Variants in NBPF14 observed in about 807,000 individuals in gnomAD.
NBPF14 encodes NBPF member 14.
In NBPF14, 104 loss-of-function variants were observed where a neutral mutation model predicts 91.2. That is an observed-to-expected ratio of 1.14 (90% CI 0.97 to 1.34). NBPF14 has a LOEUF of 1.34. Among genes scored for constraint, NBPF14 ranks in the 40% most tolerant of loss-of-function variants. The probability of loss-of-function intolerance (pLI) is 0.00; values close to 1 mark genes in which losing one functional copy is unlikely to be tolerated. For synonymous variants in NBPF14, 294 were observed against 303.8 expected (o/e 0.97, Z 0.34); for missense variants, 908 against 783.0 (o/e 1.16, Z -1.91).
At chr1:148,535,062 G>C (rs1284531036) in intron 68 of NBPF14, among the ~76,000 whole-genome samples, 2 of 146,640 alleles carry the variant, frequency 1.4e-5, no homozygotes, top group Admixed American at 6.8e-5. Context: ...GAGGGAGAGA[G>C]AGAGAGAGGA....
chr1:148,535,118 G>A (rs1263095401), intron 68 of NBPF14, among the ~76,000 whole-genome samples: 28 of 146,570 alleles, frequency 1.9e-4, no homozygotes, highest in African/African-American at 5.5e-4. Flanking sequence ...TGATGAAGGG[G>A]TCAAAGGACA....
In NBPF14 at chr1:148,535,508, C is replaced by A. The variant is rs1654966857; in HGVS notation, c.8390-4G>T. On this transcript the variant is annotated splice_polypyrimidine_tract_variant and splice_region_variant and intron_variant, in intron 67 of 70. Coordinates refer to ENST00000619423, the Ensembl canonical transcript of NBPF14. Reference sequence around the variant, plus strand: ...ACTTCTTGGTACTTTTCAATTTCTGCAATAAGTTCAGACATGGACAGACAT... The same window carrying A: ...ACTTCTTGGTACTTTTCAATTTCTGAAATAAGTTCAGACATGGACAGACAT... 1 of 415,354 alleles carries A rather than the reference C, an allele frequency of 2.4e-6. No homozygotes were observed. Among genetic ancestry groups the A allele is most frequent in the Non-Finnish European group, 4.0e-6 (1 of 247,594 alleles). 25.7% of individuals were successfully genotyped at this position (415,354 alleles called of 1,614,324 possible).
rs1234942896 is a variant in NBPF14 at position 148,589,797 on chromosome 1, A to C, written c.779-404T>G. 1.4e-5 allele frequency among the ~76,000 whole-genome samples: 2 copies of C among 147,414 alleles called. 1 individual carries two copies. Among genetic ancestry groups the C allele is most frequent in the Admixed American group, 1.4e-4 (2 of 14,738 alleles). ...ACGCAGGCTGCAGTGCAGAGGCACA[A>C]TCTCAGCTCACTGCCACCTCTGCCG... On this transcript the variant is annotated intron_variant, in intron 6 of 70. Coordinates refer to ENST00000619423, the Ensembl canonical transcript of NBPF14.
In NBPF14 at chr1:148,573,119, A is replaced by G. The variant is rs1659405658; in HGVS notation, c.2585+111T>C. Reference sequence around the variant, plus strand: ...GAAAACCAACAGCAATGACAGTAGGAGTAATTCAGCCTTCGCTGAAAACAT... The same window carrying G: ...GAAAACCAACAGCAATGACAGTAGGGGTAATTCAGCCTTCGCTGAAAACAT... On this transcript the variant is annotated intron_variant, in intron 20 of 70. Transcript: ENST00000619423. 8.1e-5 allele frequency: 4 copies of G among 49,372 alleles called. No homozygotes were observed. In the Admixed American group the frequency reaches 1.1e-3, roughly 14 times the overall value. 3.1% of individuals were successfully genotyped at this position (49,372 alleles called of 1,614,324 possible).
intron 9 of NBPF14, 28 bp from the exon 10 acceptor site, chr1:148,585,241 T>C (rs1399131642): frequency 1.3e-6 from 2 of 1,589,030 alleles, no homozygotes; most frequent in East Asian, 2.2e-5. Context: ...TTCGTTCAGG[T>C]ATTTCCCACT....
exon 13 of NBPF14, chr1:148,579,184 C>A (rs1660536733): frequency 2.3e-6 from 1 of 433,782 alleles, no homozygotes. Context: ...AGTCGAATAA[C>A]CTTCATCCCA....
In NBPF14 at chr1:148,589,957, C is replaced by T. The variant is rs1662180711; in HGVS notation, c.779-564G>A. On this transcript the variant is annotated intron_variant, in intron 6 of 70. Coordinates refer to ENST00000619423, the Ensembl canonical transcript of NBPF14. ...ATCTTGGACAGGCTGGTTTCGAACTCCTGAGCTCAGGTGTTCCGCCCACCT... is the reference window on the plus strand; with the variant it reads ...ATCTTGGACAGGCTGGTTTCGAACTTCTGAGCTCAGGTGTTCCGCCCACCT... 2.0e-5 allele frequency among the ~76,000 whole-genome samples: 3 copies of T among 147,418 alleles called. 1 individual carries two copies. In the South Asian group the frequency reaches 6.6e-4, roughly 33 times the overall value.
chr1:148,559,145 A>G, intron 37 of NBPF14, 73 bp from the exon 38 acceptor site: 1 of 655,024 alleles, frequency 1.5e-6, no homozygotes, highest in Admixed American at 2.1e-5. Context: ...CCACTGTCTA[A>G]TCCTCACACA....
At chr1:148,534,459 C>G (rs1245819109) in intron 69 of NBPF14, among the ~76,000 whole-genome samples, 2 of 151,244 alleles carry the variant, frequency 1.3e-5, no homozygotes, top group African/African-American at 4.9e-5. Flanking sequence ...AGGATCAGGG[C>G]GCCACAGGTA....
chr1:148,595,213 T>A, intron 2 of NBPF14, among the ~76,000 whole-genome samples: 1 of 147,794 alleles, frequency 6.8e-6, no homozygotes, highest in East Asian at 1.9e-4. Context: ...AGATGTTATT[T>A]GTCTGCAGGA....
At chr1:148,534,891 G>T in intron 68 of NBPF14, 35 bp from the exon 69 acceptor site, 2 of 717,978 alleles carry the variant, frequency 2.8e-6, no homozygotes, top group Non-Finnish European at 5.1e-6. Context: ...AATAAGCCAG[G>T]GGGAATCAGA....
At chr1:148,557,052 A>G (rs1217501562) in intron 40 of NBPF14, among the ~76,000 whole-genome samples, 190 bp from the exon 41 acceptor site, 4 of 122,208 alleles carry the variant, frequency 3.3e-5, no homozygotes, top group Admixed American at 8.0e-5. Context: ...AAAGAGAAAG[A>G]CAGATAGACA....
intron 28 of NBPF14, among the ~76,000 whole-genome samples, chr1:148,566,654 A>G (rs1383373027): frequency 7.3e-6 from 1 of 137,264 alleles, no homozygotes; most frequent in African/African-American, 2.7e-5. Context: ...GCATACAGGG[A>G]TCATGAAAAG....
Position 148,559,837 on chromosome 1 carries a change from T to C in NBPF14, c.4685A>G (p.Tyr1562Cys), listed in dbSNP as rs1657396903. Residue 1562 changes from tyrosine to cysteine, a missense_variant, in exon 37 of 71, where the codon TAC (tyrosine) becomes TGC (cysteine). Physicochemically the swap from Tyr to Cys is radical, Grantham distance 194. Transcript: ENST00000619423. ...GCCAACACGCTGCTGCTCCAATATG[T>C]AAAAGGCACTTCTATAGGGCTGGCA... is the stretch of plus-strand genomic sequence containing the variant. 1.4e-5 allele frequency: 21 copies of C among 1,531,580 alleles called. 2 individuals are homozygous for C. The highest frequency in any genetic ancestry group is 7.3e-5 in the South Asian group (6 of 82,346). 94.9% of individuals were successfully genotyped at this position (1,531,580 alleles called of 1,614,324 possible).
intron 62 of NBPF14, 70 bp from the exon 63 acceptor site, chr1:148,539,652 C>T (rs1655550851): frequency 3.1e-5 from 5 of 161,198 alleles, no homozygotes; most frequent in East Asian, 3.3e-4. Flanking sequence ...AGCTAGATTT[C>T]ATGGCTAACA....
intron 13 of NBPF14, 114 bp downstream of exon 13, chr1:148,578,960 T>A (rs1660507794): frequency 3.0e-6 from 2 of 671,770 alleles, no homozygotes; most frequent in Non-Finnish European, 5.4e-6. Flanking sequence ...ATATATAGGT[T>A]CAGCCCACGG....
At chr1:148,576,865 T>G (rs1659885274) in intron 15 of NBPF14, among the ~76,000 whole-genome samples, 1 of 147,756 alleles carries the variant, frequency 6.8e-6, no homozygotes, top group Non-Finnish European at 1.5e-5. Flanking sequence ...GAGTGAAGGA[T>G]GAAATCTACA....
intron 3 of NBPF14, 145 bp downstream of exon 3, chr1:148,593,453 A>C: frequency 6.3e-6 from 4 of 639,386 alleles, no homozygotes; most frequent in Non-Finnish European, 1.1e-5. Context: ...TTGTTCTCTG[A>C]TAAATATTTT....
chr1:148,550,064 A>G (rs1251020565), intron 49 of NBPF14, among the ~76,000 whole-genome samples: 9,904 of 117,506 alleles, frequency 0.084, no homozygotes, highest in South Asian at 0.12. Context: ...TGAAATCTAC[A>G]AGATCTACAA....
Sources: gnomAD v4.1 joint callset for allele counts (sites outside exome capture counted in the v4.1 genomes callset) on GRCh38, gnomAD v4.1.1 for gene constraint, MANE v1.5 for transcripts, NCBI Gene and HGNC (gene_info 2026-07-23, HGNC 2026-07-21) for gene names.